The following STPG2 variants were observed in gnomAD, a reference collection of about 807,000 sequenced individuals.
The protein encoded by STPG2 is sperm-tail PG-rich repeat-containing protein 2.
A neutral mutation model predicts 54.2 loss-of-function variants in STPG2; 56 were observed. That is an observed-to-expected ratio of 1.03 (90% CI 0.83 to 1.29). The LOEUF is 1.29. STPG2 is among the 50% of genes most tolerant of loss of function. The pLI, the probability that STPG2 is intolerant of heterozygous loss-of-function variation, is 0.00. For missense variants in STPG2, 596 were observed against 544.9 expected (o/e 1.09, Z -0.93); for synonymous variants, 200 against 181.8 (o/e 1.10, Z -0.81).
At chr4:97,800,038 C>T (rs1727332282) in intron 9 of STPG2, among the ~76,000 whole-genome samples, 2 of 152,194 alleles carry the variant, frequency 1.3e-5, no homozygotes, top group Admixed American at 1.3e-4. Context: ...TCCATCAGGT[C>T]ATTTAAGGAC....
At chr4:98,012,138 T>TAAGA (rs1735775789) in intron 5 of STPG2, among the ~76,000 whole-genome samples, 1 of 55,942 alleles carries the variant, frequency 1.8e-5, no homozygotes, top group African/African-American at 8.0e-5. Flanking sequence ...GTATAATGCA[T>TAAGA]AAGGGGTCCA....
At chr4:97,789,763 C>T (rs1446045637) in intron 9 of STPG2, among the ~76,000 whole-genome samples, 1 of 152,140 alleles carries the variant, frequency 6.6e-6, no homozygotes, top group Non-Finnish European at 1.5e-5. Context: ...TCCTAAACTA[C>T]TAATAAAGAC....
At chr4:97,504,798 C>T (rs1730810261) in intron 4 of STPG2, among the ~76,000 whole-genome samples, 1 of 151,934 alleles carries the variant, frequency 6.6e-6, no homozygotes, top group Non-Finnish European at 1.5e-5. Context: ...CTTAGAAATC[C>T]TTTTGTTTTA....
intron 8 of STPG2, among the ~76,000 whole-genome samples, chr4:97,880,326 A>C (rs1367372592): frequency 6.6e-6 from 1 of 152,348 alleles, no homozygotes; most frequent in South Asian, 2.1e-4. Flanking sequence ...TTAAATAATA[A>C]CAATAAAAAA....
chr4:97,863,114 G>C (rs1170381240), intron 8 of STPG2, among the ~76,000 whole-genome samples: 1 of 151,600 alleles, frequency 6.6e-6, no homozygotes, highest in African/African-American at 2.4e-5. Context: ...AACTGAAGGA[G>C]ATAGAGACAC....
intron 9 of STPG2, among the ~76,000 whole-genome samples, chr4:97,732,149 A>G (rs913107282): frequency 1.3e-5 from 2 of 152,170 alleles, no homozygotes; most frequent in African/African-American, 4.8e-5. Flanking sequence ...GCCTCAAGGG[A>G]CAGGCACCTA....
At chr4:97,825,944 T>C (rs2149108179) in intron 9 of STPG2, among the ~76,000 whole-genome samples, 1 of 152,334 alleles carries the variant, frequency 6.6e-6, no homozygotes, top group Non-Finnish European at 1.5e-5. Context: ...GTTTGCTAAA[T>C]GCTTTAGGGT....
At chr4:98,028,646 T>C (rs182886322) in intron 5 of STPG2, among the ~76,000 whole-genome samples, 2 of 152,316 alleles carry the variant, frequency 1.3e-5, no homozygotes, top group East Asian at 1.9e-4. Flanking sequence ...TGAACCTCAT[T>C]TAATAGTTCC....
chr4:97,783,245 C>A (rs181896506), intron 9 of STPG2, among the ~76,000 whole-genome samples: 1 of 151,716 alleles, frequency 6.6e-6, no homozygotes, highest in Admixed American at 6.6e-5. Flanking sequence ...AAAAAACAAC[C>A]GCATCAAAAA....
At chr4:97,987,198 T>C (rs1734855777) in intron 5 of STPG2, among the ~76,000 whole-genome samples, 2 of 152,096 alleles carry the variant, frequency 1.3e-5, no homozygotes, top group African/African-American at 4.8e-5. Context: ...CCCTTGAACC[T>C]GAAAACACAC....
At chr4:98,116,510 T>C (rs1739529753) in intron 3 of STPG2, among the ~76,000 whole-genome samples, 1 of 151,928 alleles carries the variant, frequency 6.6e-6, no homozygotes, top group African/African-American at 2.4e-5. Context: ...TCCATTACAC[T>C]TCTTTGCATA....
At chr4:97,675,505 A>T (rs1722811100) in intron 10 of STPG2, among the ~76,000 whole-genome samples, 1 of 152,156 alleles carries the variant, frequency 6.6e-6, no homozygotes, top group African/African-American at 2.4e-5. Context: ...ACAGCTTGAC[A>T]GGCCTCTTTG....
intron 10 of STPG2, among the ~76,000 whole-genome samples, chr4:97,586,637 T>C (rs543950670): frequency 2.1e-4 from 32 of 151,830 alleles, no homozygotes; most frequent in Non-Finnish European, 3.8e-4. Context: ...ATTTGTCTTA[T>C]AAAACAAAGG....
chr4:97,738,487 C>T (rs1257455409), intron 9 of STPG2, among the ~76,000 whole-genome samples: 2 of 152,122 alleles, frequency 1.3e-5, no homozygotes, highest in Non-Finnish European at 1.5e-5. Context: ...CAGAGACACA[C>T]ATAGGCTCAA....
intron 10 of STPG2, among the ~76,000 whole-genome samples, chr4:97,682,608 G>A (rs562019744): frequency 1.3e-5 from 2 of 151,730 alleles, no homozygotes; most frequent in Non-Finnish European, 3.0e-5. Flanking sequence ...AACATTTACT[G>A]TAATATATGT....
rs550263088 is a variant in STPG2, at chr4:97,589,430, T to C, written c.1321-30313A>G. Among the ~76,000 whole-genome samples, 91 of 152,258 alleles carry C rather than the reference T, an allele frequency of 6.0e-4. 5 individuals are homozygous for C. Among genetic ancestry groups the C allele is most frequent in the Non-Finnish European group, 2.9e-5 (2 of 67,988 alleles). On this transcript the variant is annotated intron_variant, in intron 10 of 10. Coordinates refer to ENST00000295268, the MANE Select transcript of STPG2 (RefSeq NM_174952.3). ...TAATAAAAGCAATGTTAATAATCCA[T>C]GATCAGTAATTTTTAACCTAACAAT...
intron 4 of STPG2, among the ~76,000 whole-genome samples, chr4:97,465,581 T>C (rs1729768567): frequency 6.6e-6 from 1 of 152,100 alleles, no homozygotes; most frequent in South Asian, 2.1e-4. Flanking sequence ...CTTGTATCCA[T>C]AGGGGATTGG....
chr4:97,796,087 A>T (rs1233718603), intron 9 of STPG2, among the ~76,000 whole-genome samples: 1 of 152,046 alleles, frequency 6.6e-6, no homozygotes, highest in Non-Finnish European at 1.5e-5. Flanking sequence ...TTCTTTGTAG[A>T]TTCTGGATAT....
At chr4:98,058,181 C>G (rs1345625719) in intron 5 of STPG2, among the ~76,000 whole-genome samples, 1 of 152,170 alleles carries the variant, frequency 6.6e-6, no homozygotes, top group Non-Finnish European at 1.5e-5. Flanking sequence ...CGGCTAACAT[C>G]ATGATGGCAG....
Sources: allele counts gnomAD v4.1 joint callset (sites outside exome capture counted in the v4.1 genomes callset), GRCh38; gene constraint gnomAD v4.1.1; transcripts MANE v1.5; gene names NCBI Gene and HGNC (gene_info 2026-07-23, HGNC 2026-07-21).